Variants in PKD1L1 observed in about 807,000 individuals in gnomAD.
The protein encoded by PKD1L1 is polycystin 1 like 1, transient receptor potential channel interacting, also known as polycystin-1-like protein 1.
PKD1L1 carries 236 observed loss-of-function variants against 323.4 expected under a neutral mutation model. The ratio of observed to expected loss-of-function variants is 0.73; its 90% CI spans 0.66 to 0.81. The LOEUF is 0.81. Among genes scored for constraint, PKD1L1 ranks in the 40% least tolerant of loss-of-function variants. PKD1L1 has a pLI of 0.00. For synonymous variants in PKD1L1, 1,344 were observed against 1,335.0 expected, an observed-to-expected ratio of 1.01 and a Z score of -0.15; for missense variants, 3,320 against 3,508.0, an observed-to-expected ratio of 0.95 and a Z score of 1.35.
chr7:47,882,142 A>T, intron 19 of PKD1L1, 57 bp from the exon 20 acceptor site: 1 of 1,551,850 alleles, frequency 6.4e-7, no homozygotes, highest in Non-Finnish European at 8.9e-7. Flanking sequence ...GATGATCTTA[A>T]AGCATTAGTG....
rs1224323559 is a variant in PKD1L1 at position 47,888,021 on chromosome 7, T to C, written c.2805A>G (p.Leu935=). The C allele has an allele frequency of 6.2e-7, 1 of 1,613,772 alleles. No homozygotes were observed. Among genetic ancestry groups the C allele is most frequent in the African/African-American group, 1.3e-5 (1 of 74,994 alleles). ...PNLSYSWDLF[L]VNATEKNRIE... ...TCCTATTCTTTTCTGTTGCATTGACTAAAAAGAGATCCCAGGAATAAGACA... is the reference window on the plus strand; with the variant it reads ...TCCTATTCTTTTCTGTTGCATTGACCAAAAAGAGATCCCAGGAATAAGACA... The change falls in exon 17 of 57, where the codon TTA becomes TTG. Residue 935 remains leucine (L), a synonymous_variant. Transcript: ENST00000289672.
chr7:47,955,006 T>A, the PKD1L1 span, among the ~76,000 whole-genome samples: 1 of 152,218 alleles, frequency 6.6e-6, no homozygotes, highest in Non-Finnish European at 1.5e-5. Flanking sequence ...TCATCTTCCT[T>A]ACTGTCCAGT....
At chr7:47,842,628 G>A (rs1785584810) in intron 34 of PKD1L1, among the ~76,000 whole-genome samples, 1 of 152,078 alleles carries the variant, frequency 6.6e-6, no homozygotes, top group Non-Finnish European at 1.5e-5. Flanking sequence ...TGGGACTGTT[G>A]TCTTCAGCCC....
At chr7:47,794,288 A>C (rs1787022313) in intron 55 of PKD1L1, among the ~76,000 whole-genome samples, 1 of 152,132 alleles carries the variant, frequency 6.6e-6, no homozygotes, top group Non-Finnish European at 1.5e-5. Flanking sequence ...AAGGAGGAAT[A>C]AGTGGTTTAG....
intron 19 of PKD1L1, among the ~76,000 whole-genome samples, 159 bp from the exon 20 acceptor site, chr7:47,882,244 G>A (rs1179278400): frequency 6.6e-6 from 1 of 152,108 alleles, no homozygotes; most frequent in Admixed American, 6.6e-5. Flanking sequence ...TTCAAGACAT[G>A]TACTTTGTTA....
chr7:47,813,446 C>CGTAGCTCTTTCAAAAA, intron 48 of PKD1L1, 153 bp from the exon 49 acceptor site: 1 of 853,028 alleles, frequency 1.2e-6, no homozygotes, highest in Non-Finnish European at 1.9e-6. Context: ...CAGCCTGTTT[C>CGTAGCTCTTTCAAAAA]GTGGTCTACA....
intron 7 of PKD1L1, among the ~76,000 whole-genome samples, chr7:47,918,693 C>G (rs1367872907): frequency 6.6e-6 from 1 of 152,064 alleles, no homozygotes; most frequent in African/African-American, 2.4e-5. Flanking sequence ...TGGAATAAAA[C>G]TGGAAATCAA....
chr7:47,853,137 A>G lies in PKD1L1; in HGVS notation c.4950T>C (p.Ala1650=). The G allele has an allele frequency of 1.2e-6, 2 of 1,610,478 alleles. No individual in the cohort carries two copies. Among genetic ancestry groups the G allele is most frequent in the Non-Finnish European group, 1.7e-6 (2 of 1,176,762 alleles). The change falls in exon 31 of 57, where the codon GCT becomes GCC. Residue 1650 remains alanine (A), a synonymous_variant. Transcript: ENST00000289672. ...ESIVQIYIPA[A]SQKDASVGYL... Reference sequence around the variant, plus strand: ...GCCCTGTTCACTGACCTTTCTGAGAAGCAGCAGGTATATAAATCTGCACAA... The same window carrying G: ...GCCCTGTTCACTGACCTTTCTGAGAGGCAGCAGGTATATAAATCTGCACAA...
chr7:47,821,214 C>G (rs755578286), intron 45 of PKD1L1, 28 bp from the exon 46 acceptor site: 1 of 1,408,490 alleles, frequency 7.1e-7, no homozygotes, highest in Non-Finnish European at 1.0e-6. Flanking sequence ...AAGTTAGCAT[C>G]CATACAGACC....
At chr7:47,825,141 C>A (rs925020950) in intron 45 of PKD1L1, among the ~76,000 whole-genome samples, 1 of 152,194 alleles carries the variant, frequency 6.6e-6, no homozygotes, top group African/African-American at 2.4e-5. Context: ...ATTTGCAATT[C>A]TCTTACTGTA....
chr7:47,818,095 G>A (rs983882544), intron 46 of PKD1L1: 30 of 1,367,832 alleles, frequency 2.2e-5, no homozygotes, highest in Non-Finnish European at 2.9e-5. Flanking sequence ...CAAATGCAGA[G>A]CAAATTGGAG....
the PKD1L1 span, chr7:47,957,108 T>A: frequency 6.3e-6 from 1 of 158,330 alleles, no homozygotes; most frequent in Admixed American, 6.5e-5. Flanking sequence ...GTTTGAAATG[T>A]CTCAAGGTAA....
Position 47,893,975 on chromosome 7 carries a change from C to T in PKD1L1, c.2356G>A (p.Glu786Lys), listed in dbSNP as rs754005696. The change falls in exon 15 of 57, where the codon GAG (glutamate) becomes AAG (lysine). Residue 786 changes from glutamate (E) to lysine (K), a missense_variant. Glu to Lys is a moderately conservative substitution (Grantham distance 56). Transcript: ENST00000289672. ...RAQAPVSVIS[E>K]GTHLFFSRTT... ...CTGGAGAAGAATAGGTGTGTGCCCT[C>T]GGAGATCACACTGACAGGGGCCTGG... 3.3e-5 allele frequency: 53 copies of T among 1,613,666 alleles called. 1 individual carries two copies. Among genetic ancestry groups the T allele is most frequent in the South Asian group, 4.4e-5 (4 of 91,038 alleles).
chr7:47,818,233 G>T, intron 46 of PKD1L1: 1 of 1,322,688 alleles, frequency 7.6e-7, no homozygotes, highest in Non-Finnish European at 1.0e-6. Context: ...CACGCCAAAG[G>T]AAAGGAAGAA....
At chr7:47,954,627 C>A in the PKD1L1 span, among the ~76,000 whole-genome samples, 1 of 152,180 alleles carries the variant, frequency 6.6e-6, no homozygotes, top group African/African-American at 2.4e-5. Context: ...TTATAAATGA[C>A]TCAGTCTGTG....
intron 50 of PKD1L1, 51 bp downstream of exon 50, chr7:47,811,766 G>T: frequency 6.9e-7 from 1 of 1,452,152 alleles, no homozygotes; most frequent in Non-Finnish European, 9.4e-7. Flanking sequence ...CCCAGGTGAA[G>T]CCCCATCTTC....
chr7:47,823,271 C>CT (rs944987369), intron 45 of PKD1L1, among the ~76,000 whole-genome samples: 4 of 151,814 alleles, frequency 2.6e-5, no homozygotes, highest in African/African-American at 7.3e-5. Context: ...CTGAGAGGTT[C>CT]TTTTTTTTGG....
chr7:47,804,643 A>T (rs552463567), intron 52 of PKD1L1, among the ~76,000 whole-genome samples: 26 of 151,562 alleles, frequency 1.7e-4, no homozygotes, highest in African/African-American at 2.4e-4. Context: ...TATTATTATT[A>T]TTTTTATTTT....
At chr7:47,953,332 G>C (rs146509366), upstream of PKD1L1, among the ~76,000 whole-genome samples, 1,502 of 152,210 alleles carry the variant, frequency 9.9e-3, 14 homozygotes, top group Non-Finnish European at 0.013. Flanking sequence ...TGCCCACCTT[G>C]TTTCCATCAA....
Sources: allele counts gnomAD v4.1 joint callset (sites outside exome capture counted in the v4.1 genomes callset), GRCh38; gene constraint gnomAD v4.1.1; transcripts MANE v1.5; gene names NCBI Gene and HGNC (gene_info 2026-07-23, HGNC 2026-07-21).